The following PDIA6 variants were observed in gnomAD, a reference collection of about 807,000 sequenced individuals.
PDIA6 encodes the protein protein disulfide isomerase family A member 6, also known as protein disulfide-isomerase A6.
In PDIA6, 29 loss-of-function variants were observed where a neutral mutation model predicts 58.4. That is an observed-to-expected ratio of 0.50 (90% confidence interval 0.37 to 0.68). The LOEUF (loss-of-function observed/expected upper bound fraction) is 0.68. PDIA6 is among the 30% of genes least tolerant of loss of function. The probability of loss-of-function intolerance (pLI) is 0.00; values close to 1 mark genes in which losing one functional copy is unlikely to be tolerated. For synonymous variants in PDIA6, 192 were observed against 202.6 expected (o/e 0.95, Z 0.44); for missense variants, 480 against 551.0 (o/e 0.87, Z 1.29).
chr2:10,786,127 C>A (rs899512138), intron 11 of PDIA6, among the ~76,000 whole-genome samples: 3 of 152,022 alleles, frequency 2.0e-5, no homozygotes, highest in Admixed American at 6.6e-5. Context: ...GTTTGAGACC[C>A]GCCTGGCCAA....
chr2:10,787,205 C>A (rs1665806651), intron 11 of PDIA6, 76 bp downstream of exon 11: 3 of 1,251,744 alleles, frequency 2.4e-6, no homozygotes, highest in African/African-American at 1.5e-5. Flanking sequence ...CTTATATATA[C>A]CTAGTTCCAA....
At chr2:10,794,573 A>C (rs1461180560) in intron 4 of PDIA6, among the ~76,000 whole-genome samples, 1 of 148,530 alleles carries the variant, frequency 6.7e-6, no homozygotes, top group Non-Finnish European at 1.5e-5. Context: ...AAGGTGTGGC[A>C]GCCGGCCTTT....
In PDIA6 at chr2:10,790,832, G is replaced by C. The variant is rs766756529; in HGVS notation, c.586C>G (p.Leu196Val). 2 of 1,610,142 alleles carry C rather than the reference G, an allele frequency of 1.2e-6. No homozygotes were observed. Among genetic ancestry groups the C allele is most frequent in the East Asian group, 2.2e-5 (1 of 44,862 alleles). The part of the protein sequence containing the change: ...YAPWCGHCKN[L>V]EPEWAAAASE... Reference sequence around the variant, plus strand: ...GCTGCGGCAGCCCACTCTGGCTCTAGGCTATAGAAAAATATTCGTTTTGTT... The same window carrying C: ...GCTGCGGCAGCCCACTCTGGCTCTACGCTATAGAAAAATATTCGTTTTGTT... The change falls in exon 7 of 13, where the codon CTA (leucine) becomes GTA (valine). Residue 196 changes from leucine (L) to valine (V), a missense_variant and splice_region_variant. Physicochemically the swap from Leu to Val is conservative, Grantham distance 32. Transcript: ENST00000272227.
At chr2:10,798,805 T>A (rs2148548217) in intron 2 of PDIA6, among the ~76,000 whole-genome samples, 1 of 152,330 alleles carries the variant, frequency 6.6e-6, no homozygotes, top group South Asian at 2.1e-4. Flanking sequence ...TTAAACCTAC[T>A]GGGGTTTGAT....
upstream of PDIA6, among the ~76,000 whole-genome samples, chr2:10,814,073 C>T (rs1667116495): frequency 6.6e-6 from 1 of 152,182 alleles, no homozygotes; most frequent in Admixed American, 6.5e-5. Flanking sequence ...TATCTTTCCG[C>T]CTTGATTCTC....
At chr2:10,786,056 C>T (rs962783458) in intron 11 of PDIA6, among the ~76,000 whole-genome samples, 18 of 152,144 alleles carry the variant, frequency 1.2e-4, no homozygotes, top group Admixed American at 1.3e-4. Context: ...GGCGTGGTGG[C>T]TCACACCTGT....
At chr2:10,821,963 T>C (rs1476545042) in intron 1 of PDIA6, among the ~76,000 whole-genome samples, 1 of 151,516 alleles carries the variant, frequency 6.6e-6, no homozygotes, top group African/African-American at 2.4e-5. Context: ...AAAATTTTTT[T>C]GAGACAGAGT....
intron 1 of PDIA6, among the ~76,000 whole-genome samples, chr2:10,822,412 G>A (rs28424150): frequency 0.017 from 2,650 of 152,078 alleles, 93 homozygotes; most frequent in African/African-American, 0.061. Context: ...ACAGGCGCCC[G>A]CCACGATGCC....
At position 10,789,759 on chromosome 2, in the gene PDIA6, T is replaced by A. The variant is rs1363520104; in HGVS notation, c.830A>T (p.Glu277Val). 3 of 1,613,754 alleles carry A rather than the reference T, an allele frequency of 1.9e-6. No homozygotes were observed. Among genetic ancestry groups the A allele is most frequent in the Admixed American group, 1.7e-5 (1 of 59,978 alleles). ...GTTGAAGTGGTTTACCTCAAGCAGC[T>A]CAGGAGGTGGGGCGTTATCAGAAAA... ...DLFSDNAPPP[E>V]LLEIINEDIA... The change falls in exon 8 of 13, where the codon GAG becomes GTG. Residue 277 changes from glutamate to valine, a missense_variant. Glu to Val is a moderately radical substitution (Grantham distance 121). Coordinates refer to ENST00000272227, the MANE Select transcript of PDIA6 (RefSeq NM_005742.4).
At chr2:10,801,148 A>G (rs1373369576) in intron 2 of PDIA6, among the ~76,000 whole-genome samples, 2 of 152,228 alleles carry the variant, frequency 1.3e-5, no homozygotes, top group South Asian at 2.1e-4. Context: ...GCGTGGTGGT[A>G]CATGCCTGTA....
exon 1 of PDIA6, chr2:10,832,312 T>G: frequency 3.1e-6 from 2 of 655,486 alleles, no homozygotes; most frequent in Non-Finnish European, 3.8e-6. Context: ...AGTGGAAGGA[T>G]AAATTGTGTT....
upstream of PDIA6, among the ~76,000 whole-genome samples, chr2:10,815,121 T>C (rs113759248): frequency 4.6e-5 from 5 of 108,346 alleles, no homozygotes; most frequent in South Asian, 2.8e-4. Context: ...CACAGGCTTC[T>C]GGAAATGCAC....
chr2:10,830,072 C>T (rs374180176), intron 1 of PDIA6, among the ~76,000 whole-genome samples: 1 of 152,120 alleles, frequency 6.6e-6, no homozygotes, highest in African/African-American at 2.4e-5. Flanking sequence ...GCCATGGCAG[C>T]CCTTCTAGGA....
intron 10 of PDIA6, 118 bp downstream of exon 10, chr2:10,788,579 A>AAC (rs1233723234): frequency 9.5e-6 from 7 of 735,860 alleles, no homozygotes; most frequent in Admixed American, 4.7e-5. Flanking sequence ...AAAAAAAAAA[A>AAC]AAACATATAG....
At chr2:10,815,361 C>A (rs1667159863), upstream of PDIA6, 1 of 152,272 alleles carries the variant, frequency 6.6e-6, no homozygotes, top group South Asian at 2.1e-4. Context: ...CTGCGGTATT[C>A]CTCATGCTCT....
chr2:10,785,020 AAGAG>A lies in PDIA6; in HGVS notation c.1164_1167del (p.Ser389LeufsTer9). The stretch of plus-strand genomic sequence containing the variant: ...ACAGGTGCCGTGGAGCCACGCCCAA[AAGAG>A]AGCTCCCTTAGGGAAAAATGACCAA... On this transcript the variant is annotated frameshift_variant, in exon 12 of 13. Transcript: ENST00000272227. LOFTEE classifies it high-confidence loss of function. 6.3e-7 allele frequency: 1 copy of A among 1,577,502 alleles called. No homozygotes were observed. The highest frequency in any genetic ancestry group is 8.6e-7 in the Non-Finnish European group (1 of 1,159,724).
At chr2:10,812,858 C>G (rs1449667723), upstream of PDIA6, 1 of 1,162,662 alleles carries the variant, frequency 8.6e-7, no homozygotes, top group South Asian at 4.3e-5. Flanking sequence ...CAAGCCGTGG[C>G]TGCGGCTCAT....
At position 10,786,210 on chromosome 2, in the gene PDIA6, C is replaced by T. The variant is rs369449771; in HGVS notation, c.1157+1071G>A. Among the ~76,000 whole-genome samples the T allele has an allele frequency of 3.0e-4, 46 of 152,096 alleles. No homozygotes were observed. The East Asian group carries it at 4.1e-3, about 13-fold the overall frequency. Reference sequence around the variant, plus strand: ...TGGTGGCAGGCGCCTGTAATCCCAGCTACTCAGGAGGCTGAGGCAGGAGAA... The same window carrying T: ...TGGTGGCAGGCGCCTGTAATCCCAGTTACTCAGGAGGCTGAGGCAGGAGAA... On this transcript the variant is annotated intron_variant, in intron 11 of 12. Transcript: ENST00000272227.
At chr2:10,803,535 A>C (rs1666602081) in intron 1 of PDIA6, among the ~76,000 whole-genome samples, 1 of 152,186 alleles carries the variant, frequency 6.6e-6, no homozygotes, top group Admixed American at 6.5e-5. Context: ...TCGTGTGAAC[A>C]ACCTTATAAA....
Sources: allele counts gnomAD v4.1 joint callset (sites outside exome capture counted in the v4.1 genomes callset), GRCh38; gene constraint gnomAD v4.1.1; transcripts MANE v1.5; gene names NCBI Gene and HGNC (gene_info 2026-07-23, HGNC 2026-07-21).